TRAPPC9: variants seen among roughly 807,000 people sequenced by gnomAD.
The protein encoded by TRAPPC9 is IKK2 binding protein.
Under a neutral mutation model 124.0 loss-of-function variants are expected in TRAPPC9, and 83 were observed. The ratio of observed to expected loss-of-function variants is 0.67; its 90% CI spans 0.56 to 0.80. The LOEUF (loss-of-function observed/expected upper bound fraction) is 0.80, where lower values mean the gene tolerates loss of function less well. Ranked by LOEUF, TRAPPC9 falls within the 30% of genes least tolerant of loss-of-function variation. The pLI is 0.00. For missense variants in TRAPPC9, 1,302 were observed against 1,508.3 expected (o/e 0.86, Z 2.27); for synonymous variants, 638 against 617.5 (o/e 1.03, Z -0.49).
intron 18 of TRAPPC9, among the ~76,000 whole-genome samples, chr8:140,013,997 T>A (rs1345262891): frequency 6.6e-6 from 1 of 152,138 alleles, no homozygotes; most frequent in East Asian, 1.9e-4. Context: ...AAATTCTTGT[T>A]AAATTTAAAA....
intron 21 of TRAPPC9, among the ~76,000 whole-genome samples, chr8:139,823,729 T>A (rs1825422827): frequency 6.6e-6 from 1 of 152,154 alleles, no homozygotes. Flanking sequence ...TCTTTCCAGG[T>A]ATGGGGCTGA....
intron 9 of TRAPPC9, among the ~76,000 whole-genome samples, chr8:140,311,826 C>CA (rs2066305887): frequency 6.6e-6 from 1 of 152,186 alleles, no homozygotes; most frequent in Admixed American, 6.5e-5. Flanking sequence ...TACAAATCAA[C>CA]ATTTTTGATG....
chr8:140,017,447 G>A (rs968599179), intron 18 of TRAPPC9, among the ~76,000 whole-genome samples: 4 of 152,162 alleles, frequency 2.6e-5, no homozygotes, highest in Non-Finnish European at 5.9e-5. Context: ...CCACACAGAC[G>A]TCCAGTTGTT....
intron 21 of TRAPPC9, among the ~76,000 whole-genome samples, chr8:139,780,622 T>C (rs1477157977): frequency 1.3e-5 from 2 of 151,884 alleles, no homozygotes; most frequent in Non-Finnish European, 2.9e-5. Flanking sequence ...GGTATGGCAA[T>C]GCCATTTTAC....
chr8:139,970,013 T>G (rs1279196651), intron 19 of TRAPPC9, among the ~76,000 whole-genome samples: 1 of 152,222 alleles, frequency 6.6e-6, no homozygotes, highest in Non-Finnish European at 1.5e-5. Context: ...GCAAAAAATG[T>G]TGTGTTAGCC....
chr8:140,458,439 C>T, upstream of TRAPPC9: 1 of 1,582,050 alleles, frequency 6.3e-7, no homozygotes, highest in Non-Finnish European at 8.6e-7. Flanking sequence ...GGTGGGTGAC[C>T]GTGGCGCGCG....
chr8:139,964,311 C>T (rs896668651), intron 19 of TRAPPC9, among the ~76,000 whole-genome samples: 4 of 150,538 alleles, frequency 2.7e-5, no homozygotes, highest in East Asian at 2.0e-4. Flanking sequence ...GAGAATGAGG[C>T]GGGATTCTCC....
intron 17 of TRAPPC9, among the ~76,000 whole-genome samples, chr8:140,187,295 C>G (rs991647335): frequency 5.3e-5 from 8 of 152,180 alleles, no homozygotes. Context: ...GGCCTTGGAG[C>G]CGATGCCCCA....
chr8:140,088,235 T>A (rs1844327726), intron 17 of TRAPPC9, among the ~76,000 whole-genome samples: 1 of 152,202 alleles, frequency 6.6e-6, no homozygotes, highest in Admixed American at 6.5e-5. Context: ...ACTTTAAATG[T>A]CTTGTTCACA....
At chr8:140,118,334 G>A (rs1192061572) in intron 17 of TRAPPC9, among the ~76,000 whole-genome samples, 1 of 152,204 alleles carries the variant, frequency 6.6e-6, no homozygotes, top group Non-Finnish European at 1.5e-5. Context: ...GCCATTACAG[G>A]TGATTAGCAA....
At chr8:139,829,554 C>G (rs1039531338) in intron 21 of TRAPPC9, among the ~76,000 whole-genome samples, 15 of 152,168 alleles carry the variant, frequency 9.9e-5, no homozygotes, top group Admixed American at 2.0e-4. Flanking sequence ...GTCTGGATAC[C>G]CCCATCTGGA....
intron 17 of TRAPPC9, among the ~76,000 whole-genome samples, chr8:140,213,084 A>AGTTTTTTT (rs2063102904): frequency 1.9e-5 from 1 of 53,782 alleles, no homozygotes; most frequent in African/African-American, 7.6e-5. Flanking sequence ...AAAAAAAAAA[A>AGTTTTTTT]GTTTTTTTGT....
At chr8:140,172,980 G>T (rs1379053708) in intron 17 of TRAPPC9, among the ~76,000 whole-genome samples, 1 of 152,116 alleles carries the variant, frequency 6.6e-6, no homozygotes, top group Non-Finnish European at 1.5e-5. Flanking sequence ...TGGTTAAAAA[G>T]CTGCACAATA....
chr8:139,848,762 C>T (rs1827264173), intron 21 of TRAPPC9, among the ~76,000 whole-genome samples: 2 of 152,154 alleles, frequency 1.3e-5, no homozygotes, highest in Admixed American at 1.3e-4. Flanking sequence ...TCCCAACAAG[C>T]CCTTGTTGTC....
intron 19 of TRAPPC9, among the ~76,000 whole-genome samples, chr8:139,981,420 A>C (rs969306617): frequency 9.2e-5 from 14 of 152,230 alleles, no homozygotes; most frequent in African/African-American, 2.7e-4. Flanking sequence ...AACGAGGTAC[A>C]AAGAAAATCC....
intron 15 of TRAPPC9, chr8:140,262,519 C>CGGGGGG (rs533460810): frequency 6.9e-6 from 1 of 145,280 alleles, no homozygotes; most frequent in African/African-American, 2.8e-5. Flanking sequence ...ATTGTGTATA[C>CGGGGGG]GGTGGGGGGG....
intron 5 of TRAPPC9, among the ~76,000 whole-genome samples, chr8:140,413,836 G>T (rs1365785493): frequency 2.0e-5 from 3 of 151,668 alleles, no homozygotes; most frequent in African/African-American, 2.4e-5. Context: ...CAAAGGACAT[G>T]AACTCATCAT....
chr8:140,215,382 C>T (rs1392807593), intron 17 of TRAPPC9, among the ~76,000 whole-genome samples: 4 of 152,176 alleles, frequency 2.6e-5, no homozygotes, highest in Admixed American at 6.5e-5. Flanking sequence ...GTGGCTCACG[C>T]CTGTAATCCC....
chr8:139,773,170 T>C (rs1350822229), intron 21 of TRAPPC9, among the ~76,000 whole-genome samples: 2 of 152,184 alleles, frequency 1.3e-5, no homozygotes, highest in South Asian at 2.1e-4. Flanking sequence ...ACCCAGCAGG[T>C]AGGGCTGTGT....
Sources: gnomAD v4.1 joint callset for allele counts (sites outside exome capture counted in the v4.1 genomes callset) on GRCh38, gnomAD v4.1.1 for gene constraint, MANE v1.5 for transcripts, NCBI Gene and HGNC (gene_info 2026-07-23, HGNC 2026-07-21) for gene names.